Variants in HS3ST5 observed in about 807,000 individuals in gnomAD.
The protein encoded by HS3ST5 is heparan sulfate-glucosamine 3-sulfotransferase 5.
A neutral mutation model predicts 25.4 loss-of-function variants in HS3ST5; 10 were observed. The observed-to-expected ratio is 0.39, with a 90% CI of 0.24 to 0.67. HS3ST5 has a LOEUF of 0.67. Among genes scored for constraint, HS3ST5 ranks in the 30% least tolerant of loss-of-function variants. The pLI is 0.44. For synonymous variants in HS3ST5, 170 were observed against 162.4 expected (o/e 1.05, Z -0.36); for missense variants, 324 against 420.7 (o/e 0.77, Z 2.01).
At chr6:114,280,417 G>GC (rs1774055323) in intron 1 of HS3ST5, among the ~76,000 whole-genome samples, 2 of 151,886 alleles carry the variant, frequency 1.3e-5, no homozygotes, top group South Asian at 4.1e-4. Flanking sequence ...GAGGGCTCTG[G>GC]CCCCAGGCTA....
intron 1 of HS3ST5, among the ~76,000 whole-genome samples, chr6:114,274,278 A>G (rs1030994109): frequency 1.3e-5 from 2 of 152,046 alleles, no homozygotes; most frequent in African/African-American, 4.8e-5. Flanking sequence ...ACAATAGAGA[A>G]GATATGTGGA....
At chr6:114,131,600 T>G (rs949193586) in intron 3 of HS3ST5, among the ~76,000 whole-genome samples, 2 of 152,178 alleles carry the variant, frequency 1.3e-5, no homozygotes, top group Non-Finnish European at 2.9e-5. Context: ...ATTTGAAATT[T>G]AAAAAAATTT....
chr6:114,084,623 G>T lies in HS3ST5; in HGVS notation c.-32-21746C>A, dbSNP rs941909597. On this transcript the variant is annotated intron_variant, in intron 3 of 4. Transcript: ENST00000312719. ...GGAGAATTGTTACAGAGCAATGCTA[G>T]GTAGGTTAACATAAGATGCCTTAAT... is the stretch of plus-strand genomic sequence containing the variant. 3.1e-5 allele frequency: 25 copies of T among 803,610 alleles called. No homozygotes were observed. In the African/African-American group the frequency reaches 3.7e-4, roughly 12 times the overall value. The allele number at this position is 803,610 out of a possible 1,614,324, so 49.8% of individuals were successfully genotyped here. A position where few individuals can be genotyped will look rare whatever the true frequency, so the allele number is the denominator to read the frequency against.
intron 1 of HS3ST5, among the ~76,000 whole-genome samples, chr6:114,289,224 A>G (rs1400618259): frequency 6.6e-6 from 1 of 152,106 alleles, no homozygotes; most frequent in Non-Finnish European, 1.5e-5. Flanking sequence ...CACCCACTAA[A>G]GACAATTCAG....
chr6:114,280,547 C>T (rs1174963467), intron 1 of HS3ST5, among the ~76,000 whole-genome samples: 4 of 152,116 alleles, frequency 2.6e-5, no homozygotes, highest in Non-Finnish European at 4.4e-5. Flanking sequence ...AGTGGCATAA[C>T]GATGGTTACT....
intron 3 of HS3ST5, among the ~76,000 whole-genome samples, chr6:114,165,910 G>A (rs879896581): frequency 7.2e-5 from 11 of 152,124 alleles, no homozygotes; most frequent in Admixed American, 1.3e-4. Flanking sequence ...AGCCAGGCAC[G>A]CTGGCTCCTG....
At chr6:114,297,586 T>C (rs1245240026) in intron 1 of HS3ST5, among the ~76,000 whole-genome samples, 1 of 152,232 alleles carries the variant, frequency 6.6e-6, no homozygotes, top group Non-Finnish European at 1.5e-5. Flanking sequence ...CCATATCTAA[T>C]GAAGGCCTTT....
intron 1 of HS3ST5, among the ~76,000 whole-genome samples, chr6:114,341,252 A>AGAGAGAGAGAGAGAGAGAGAGG (rs1562281441): frequency 4.0e-5 from 6 of 149,420 alleles, no homozygotes; most frequent in African/African-American, 1.5e-4. Flanking sequence ...AGAGAGAGAG[A>AGAGAGAGAGAGAGAGAGAGAGG]GAGAGAGAGT....
intron 2 of HS3ST5, among the ~76,000 whole-genome samples, chr6:114,218,952 G>T (rs1351098703): frequency 6.6e-6 from 1 of 152,096 alleles, no homozygotes; most frequent in Non-Finnish European, 1.5e-5. Flanking sequence ...GTGACTTCTT[G>T]TGCCTCTGTA....
intron 3 of HS3ST5, among the ~76,000 whole-genome samples, chr6:114,095,836 C>T (rs1388822349): frequency 6.6e-6 from 1 of 152,198 alleles, no homozygotes; most frequent in East Asian, 1.9e-4. Context: ...CTGTAGTCCC[C>T]AAAGCCTTCC....
At chr6:114,224,341 T>C (rs1194844146) in intron 2 of HS3ST5, among the ~76,000 whole-genome samples, 1 of 151,670 alleles carries the variant, frequency 6.6e-6, no homozygotes, top group African/African-American at 2.4e-5. Context: ...TCTTTCATGA[T>C]ATGGTCTATT....
At chr6:114,081,180 A>G (rs924093094) in intron 3 of HS3ST5, among the ~76,000 whole-genome samples, 1 of 152,170 alleles carries the variant, frequency 6.6e-6, no homozygotes, top group African/African-American at 2.4e-5. Flanking sequence ...CGAAATAATT[A>G]CAGTAGTAAC....
intron 1 of HS3ST5, among the ~76,000 whole-genome samples, chr6:114,266,449 T>A (rs1214359383): frequency 6.6e-6 from 1 of 152,224 alleles, no homozygotes; most frequent in African/African-American, 2.4e-5. Flanking sequence ...TCAAACTTGC[T>A]AAGTTAAATA....
At chr6:114,244,979 T>C (rs1772313856) in intron 1 of HS3ST5, among the ~76,000 whole-genome samples, 1 of 152,230 alleles carries the variant, frequency 6.6e-6, no homozygotes, top group Non-Finnish European at 1.5e-5. Context: ...GTAGTAAAAT[T>C]TGAAAACATA....
rs183409700 is a variant in HS3ST5, at chr6:114,249,020, G to A, written c.-338-20242C>T. 3.4e-3 allele frequency among the ~76,000 whole-genome samples: 519 copies of A among 152,232 alleles called. 1 individual carries two copies. The highest frequency in any genetic ancestry group is 5.2e-3 in the Non-Finnish European group (352 of 68,006). ...GTTTATATGCTATTTGAAGATATCCGTGATACTTTTGGTTGTTTCTGCTGA... is the reference window on the plus strand; with the variant it reads ...GTTTATATGCTATTTGAAGATATCCATGATACTTTTGGTTGTTTCTGCTGA... On this transcript the variant is annotated intron_variant, in intron 1 of 4. Coordinates refer to ENST00000312719, the MANE Select transcript of HS3ST5 (RefSeq NM_153612.4).
intron 2 of HS3ST5, among the ~76,000 whole-genome samples, chr6:114,219,450 T>C (rs1010021372): frequency 1.3e-5 from 2 of 152,058 alleles, no homozygotes; most frequent in Non-Finnish European, 1.5e-5. Context: ...AAAAAAAATG[T>C]TGCCTTCTAA....
intron 3 of HS3ST5, among the ~76,000 whole-genome samples, chr6:114,147,652 C>A (rs1471361237): frequency 6.6e-6 from 1 of 152,196 alleles, no homozygotes; most frequent in African/African-American, 2.4e-5. Flanking sequence ...ACAATCTCAG[C>A]TCACTGCAAC....
At chr6:114,117,269 T>C (rs571348541) in intron 3 of HS3ST5, among the ~76,000 whole-genome samples, 32 of 152,318 alleles carry the variant, frequency 2.1e-4, no homozygotes, top group African/African-American at 7.5e-4. Flanking sequence ...CAACCCTGTC[T>C]TGGCTCCATG....
At chr6:114,213,872 T>C (rs1781631006) in intron 2 of HS3ST5, among the ~76,000 whole-genome samples, 1 of 152,212 alleles carries the variant, frequency 6.6e-6, no homozygotes, top group Non-Finnish European at 1.5e-5. Flanking sequence ...AATTGCTTAC[T>C]AATCTTTCTA....
Sources: gnomAD v4.1 joint callset for allele counts (sites outside exome capture counted in the v4.1 genomes callset) on GRCh38, gnomAD v4.1.1 for gene constraint, MANE v1.5 for transcripts, NCBI Gene and HGNC (gene_info 2026-07-23, HGNC 2026-07-21) for gene names.